The following DNAJC1 variants were observed in gnomAD, a reference collection of about 807,000 sequenced individuals.
DNAJC1 encodes dnaJ homolog subfamily C member 1.
In DNAJC1, 58 loss-of-function variants were observed where a neutral mutation model predicts 76.6. That is an observed-to-expected ratio of 0.76 (90% CI 0.61 to 0.94). The LOEUF is 0.94. Ranked by LOEUF, DNAJC1 falls within the 40% of genes least tolerant of loss-of-function variation. The pLI is 0.00. For synonymous variants in DNAJC1, 258 were observed against 267.9 expected (o/e 0.96, Z 0.36); for missense variants, 689 against 677.3 (o/e 1.02, Z -0.19).
At chr10:21,783,608 A>C (rs1220224328) in intron 9 of DNAJC1, among the ~76,000 whole-genome samples, 1 of 152,230 alleles carries the variant, frequency 6.6e-6, no homozygotes, top group Non-Finnish European at 1.5e-5. Flanking sequence ...ATCCTAAGCA[A>C]AAAGAACAAA....
chr10:21,889,842 T>C (rs955064586), intron 7 of DNAJC1, among the ~76,000 whole-genome samples: 2 of 152,128 alleles, frequency 1.3e-5, no homozygotes, highest in African/African-American at 4.8e-5. Context: ...CAATAACCAC[T>C]CTAATACAGG....
At chr10:21,888,998 C>A (rs570507519) in intron 7 of DNAJC1, among the ~76,000 whole-genome samples, 10 of 152,094 alleles carry the variant, frequency 6.6e-5, no homozygotes, top group Non-Finnish European at 1.0e-4. Context: ...TTAAAAAAAT[C>A]TTTTTTCAAA....
At chr10:21,768,121 G>A (rs367648908) in intron 9 of DNAJC1, among the ~76,000 whole-genome samples, 10 of 152,048 alleles carry the variant, frequency 6.6e-5, no homozygotes, top group Non-Finnish European at 1.5e-4. Context: ...AGAAATATGG[G>A]GTTAAAGTTA....
intron 1 of DNAJC1, among the ~76,000 whole-genome samples, chr10:21,975,856 T>C (rs1838052949): frequency 6.6e-6 from 1 of 152,216 alleles, no homozygotes; most frequent in South Asian, 2.1e-4. Context: ...AAACTACACA[T>C]GTCCTTCATT....
At chr10:21,802,766 T>C (rs1012368627) in intron 9 of DNAJC1, among the ~76,000 whole-genome samples, 1 of 152,108 alleles carries the variant, frequency 6.6e-6, no homozygotes, top group Non-Finnish European at 1.5e-5. Flanking sequence ...ATAGTATTAC[T>C]TCACAAGCAA....
In DNAJC1 at chr10:21,759,459, C is replaced by G; in HGVS notation, c.1307G>C (p.Gly436Ala). ...CCTCCGAGGCCGGGCATCAGTGGCCCCGGTCTCCTGCTCACCGGAGTCTCC... is the reference window on the plus strand; with the variant it reads ...CCTCCGAGGCCGGGCATCAGTGGCCGCGGTCTCCTGCTCACCGGAGTCTCC... ...QEGDSGEQET[G>A]ATDARPRRRK... Residue 436 changes from glycine (G) to alanine (A), a missense_variant, in exon 11 of 12, where the codon GGG becomes GCG. Physicochemically the swap from Gly to Ala is moderately conservative, Grantham distance 60. Coordinates refer to ENST00000376980, the MANE Select transcript of DNAJC1 (RefSeq NM_022365.4). 6.2e-7 allele frequency: 1 copy of G among 1,614,172 alleles called. No homozygotes were observed. The highest frequency in any genetic ancestry group is 8.5e-7 in the Non-Finnish European group (1 of 1,180,050).
At chr10:21,808,027 A>G (rs1345007209) in intron 8 of DNAJC1, among the ~76,000 whole-genome samples, 7 of 152,186 alleles carry the variant, frequency 4.6e-5, no homozygotes, top group Non-Finnish European at 5.9e-5. Context: ...GAAATGCAAA[A>G]GACTTAAGTT....
chr10:21,792,578 G>A (rs1834702790), intron 9 of DNAJC1, among the ~76,000 whole-genome samples: 2 of 151,986 alleles, frequency 1.3e-5, no homozygotes, highest in African/African-American at 4.8e-5. Context: ...CCAACATGGT[G>A]AAACCCTGTC....
intron 8 of DNAJC1, among the ~76,000 whole-genome samples, chr10:21,837,727 C>T (rs1835489376): frequency 6.6e-6 from 1 of 150,794 alleles, no homozygotes; most frequent in African/African-American, 2.4e-5. Context: ...GCCGCCCCGT[C>T]CGGGAAGTGA....
intron 8 of DNAJC1, among the ~76,000 whole-genome samples, chr10:21,862,908 G>A (rs906637382): frequency 6.6e-6 from 1 of 152,044 alleles, no homozygotes; most frequent in Non-Finnish European, 1.5e-5. Context: ...CAAGGTAGGC[G>A]GATTACCTGA....
chr10:21,931,276 G>T (rs918744615), intron 1 of DNAJC1, among the ~76,000 whole-genome samples: 46 of 152,300 alleles, frequency 3.0e-4, no homozygotes, highest in Admixed American at 9.8e-4. Flanking sequence ...CCCAGCTACA[G>T]ATACAGACAG....
At chr10:21,826,952 T>C (rs960580929) in intron 8 of DNAJC1, among the ~76,000 whole-genome samples, 1 of 151,648 alleles carries the variant, frequency 6.6e-6, no homozygotes, top group African/African-American at 2.4e-5. Flanking sequence ...TCCAACTCTG[T>C]TCTTGTTCAA....
intron 1 of DNAJC1, among the ~76,000 whole-genome samples, chr10:22,000,857 A>C (rs997352027): frequency 2.0e-5 from 3 of 152,194 alleles, no homozygotes; most frequent in African/African-American, 7.2e-5. Context: ...CCGGTGCCTT[A>C]ATCTTGGATT....
chr10:21,866,402 T>C (rs1210539731), intron 8 of DNAJC1, among the ~76,000 whole-genome samples: 3 of 151,840 alleles, frequency 2.0e-5, no homozygotes, highest in Non-Finnish European at 2.9e-5. Context: ...TTAGTTATAT[T>C]AATATTAAAC....
chr10:21,841,204 A>G (rs571147160), intron 8 of DNAJC1, among the ~76,000 whole-genome samples: 1 of 152,348 alleles, frequency 6.6e-6, no homozygotes, highest in South Asian at 2.1e-4. Context: ...CAGGGACTTC[A>G]TGTCTAAAAC....
At chr10:21,787,112 G>A (rs1267096248) in intron 9 of DNAJC1, among the ~76,000 whole-genome samples, 1 of 152,096 alleles carries the variant, frequency 6.6e-6, no homozygotes, top group Non-Finnish European at 1.5e-5. Context: ...CAGAACACCT[G>A]AGGTCAGGAG....
At chr10:21,867,943 T>G (rs1459430589) in intron 8 of DNAJC1, among the ~76,000 whole-genome samples, 1 of 150,924 alleles carries the variant, frequency 6.6e-6, no homozygotes, top group African/African-American at 2.4e-5. Context: ...CATGGTGGCA[T>G]GCACCTGTAA....
At chr10:21,861,976 T>A (rs1363888633) in intron 8 of DNAJC1, among the ~76,000 whole-genome samples, 1 of 152,186 alleles carries the variant, frequency 6.6e-6, no homozygotes, top group East Asian at 1.9e-4. Flanking sequence ...TAGAGTGCAA[T>A]GGCGCAATCT....
At chr10:21,886,775 C>A (rs115904636) in intron 7 of DNAJC1, among the ~76,000 whole-genome samples, 80 of 151,988 alleles carry the variant, frequency 5.3e-4, no homozygotes, top group African/African-American at 1.9e-3. Flanking sequence ...ATTCAACACC[C>A]CTTTATGTTA....
Sources: allele counts gnomAD v4.1 joint callset (sites outside exome capture counted in the v4.1 genomes callset), GRCh38; gene constraint gnomAD v4.1.1; transcripts MANE v1.5; gene names NCBI Gene and HGNC (gene_info 2026-07-23, HGNC 2026-07-21).